Variants in WDR88 observed in about 807,000 individuals in gnomAD.
WDR88 encodes WD repeat-containing protein 88.
A neutral mutation model predicts 46.8 loss-of-function variants in WDR88; 40 were observed. The observed-to-expected ratio is 0.86, with a 90% CI of 0.66 to 1.11. The LOEUF (loss-of-function observed/expected upper bound fraction) is 1.11. Among genes scored for constraint, WDR88 ranks in the 50% most tolerant of loss-of-function variants. WDR88 has a pLI of 0.00. For synonymous variants in WDR88, 235 were observed against 240.7 expected (o/e 0.98, Z 0.22); for missense variants, 562 against 602.4 (o/e 0.93, Z 0.70).
Position 33,132,178 on chromosome 19 carries a change from C to T in WDR88, c.9C>T (p.Ser3=), listed in dbSNP as rs770857911. The part of the protein sequence containing the change: MA[S]PPRCSPTAHD... ...GCGGACCGGGCTTCGAGATGGCCTCCCCGCCGCGGTGCTCCCCGACAGCCC... is the reference window on the plus strand; with the variant it reads ...GCGGACCGGGCTTCGAGATGGCCTCTCCGCCGCGGTGCTCCCCGACAGCCC... Residue 3 remains serine, a synonymous_variant, in exon 1 of 11, where the codon TCC becomes TCT. Coordinates refer to ENST00000355868, the MANE Select transcript of WDR88 (RefSeq NM_173479.4). The T allele has an allele frequency of 6.3e-7, 1 of 1,591,934 alleles. No individual in the cohort carries two copies. The highest frequency in any genetic ancestry group is 1.3e-5 in the African/African-American group (1 of 74,742).
intron 2 of WDR88, among the ~76,000 whole-genome samples, chr19:33,141,588 A>G (rs1463636797): frequency 3.9e-5 from 6 of 152,192 alleles, no homozygotes; most frequent in Non-Finnish European, 8.8e-5. Flanking sequence ...GAGATTGGGC[A>G]TAGGATGAAG....
In WDR88 at chr19:33,156,489, C is replaced by T; in HGVS notation, c.944C>T (p.Thr315Ile). The change falls in exon 7 of 11, where the codon ACT becomes ATT. Residue 315 changes from threonine (T) to isoleucine (I), a missense_variant. Transcript: ENST00000355868. Reference sequence around the variant, plus strand: ...TTTCGAAACTGTGGAGCCTGTGTGACTCTGATGCAGGGCCATGAAGGTTCT... The same window carrying T: ...TTTCGAAACTGTGGAGCCTGTGTGATTCTGATGCAGGGCCATGAAGGTTCT... ...GEFRNCGACV[T>I]LMQGHEGSVS... is the part of the protein sequence containing the mutation. 1 of 1,614,134 alleles carries T rather than the reference C, an allele frequency of 6.2e-7. No individual in the cohort carries two copies. Among genetic ancestry groups the T allele is most frequent in the Non-Finnish European group, 8.5e-7 (1 of 1,180,038 alleles).
intron 7 of WDR88, among the ~76,000 whole-genome samples, chr19:33,158,307 G>A (rs1471911636): frequency 6.6e-6 from 1 of 152,072 alleles, no homozygotes; most frequent in Admixed American, 6.6e-5. Flanking sequence ...CCCACTGTGA[G>A]GCACCCTGCC....
chr19:33,151,135 C>G, intron 5 of WDR88, 46 bp from the exon 6 acceptor site: 1 of 1,588,448 alleles, frequency 6.3e-7, no homozygotes. Context: ...TCCAGCCCAG[C>G]AGGTGGAAGG....
intron 5 of WDR88, 123 bp downstream of exon 5, chr19:33,149,033 A>T: frequency 1.4e-6 from 2 of 1,436,306 alleles, no homozygotes; most frequent in Non-Finnish European, 1.9e-6. Flanking sequence ...CACGTCATTA[A>T]AGCTGGGACA....
At chr19:33,162,809 G>A (rs1973891136) in intron 8 of WDR88, among the ~76,000 whole-genome samples, 1 of 152,060 alleles carries the variant, frequency 6.6e-6, no homozygotes, top group Non-Finnish European at 1.5e-5. Flanking sequence ...TTGAGCCCAG[G>A]AGGTTGAGGC....
chr19:33,132,944 G>A (rs957466786), intron 1 of WDR88, among the ~76,000 whole-genome samples: 1 of 152,128 alleles, frequency 6.6e-6, no homozygotes, highest in Non-Finnish European at 1.5e-5. Context: ...AGGATCACTT[G>A]AGCCCAGGAG....
Position 33,147,717 on chromosome 19 carries a change from G to A in WDR88, c.540+9G>A. 6.2e-7 allele frequency: 1 copy of A among 1,613,670 alleles called. No homozygotes were observed. The highest frequency in any genetic ancestry group is 8.5e-7 in the Non-Finnish European group (1 of 1,179,762). ...AGACAGGCAAGCTGCTGGTACGTAT[G>A]CCTGTCCAGTGGGGGCGTTGGTTGC... On this transcript the variant is annotated intron_variant, in intron 4 of 10. Transcript: ENST00000355868.
chr19:33,167,280 A>G (rs1338386490), intron 9 of WDR88, among the ~76,000 whole-genome samples: 1 of 152,176 alleles, frequency 6.6e-6, no homozygotes, highest in Non-Finnish European at 1.5e-5. Flanking sequence ...GTAATATATT[A>G]CATTAATAGA....
At chr19:33,133,882 C>G (rs1973191676) in intron 1 of WDR88, among the ~76,000 whole-genome samples, 1 of 152,236 alleles carries the variant, frequency 6.6e-6, no homozygotes, top group African/African-American at 2.4e-5. Context: ...TCCTCCGTGC[C>G]TCATGCCATG....
intron 9 of WDR88, among the ~76,000 whole-genome samples, chr19:33,171,345 A>T (rs564410454): frequency 6.6e-6 from 1 of 152,268 alleles, no homozygotes; most frequent in Non-Finnish European, 1.5e-5. Context: ...TGTTGTCATG[A>T]TTTGACAAAC....
At chr19:33,146,394 G>C (rs1424698127) in intron 3 of WDR88, among the ~76,000 whole-genome samples, 1 of 152,170 alleles carries the variant, frequency 6.6e-6, no homozygotes. Flanking sequence ...AGAGTACTGG[G>C]GATGATTGTG....
chr19:33,138,038 A>ATT (rs745407325), intron 2 of WDR88, among the ~76,000 whole-genome samples: 1 of 139,872 alleles, frequency 7.1e-6, no homozygotes. Flanking sequence ...AGTGCCACAC[A>ATT]TTTTTTTTTT....
intron 10 of WDR88, chr19:33,174,170 C>T: frequency 6.5e-7 from 1 of 1,536,034 alleles, no homozygotes; most frequent in Non-Finnish European, 8.7e-7. Flanking sequence ...TAATCTATTT[C>T]TTGCAAAAAA....
At chr19:33,158,642 CTT>C (rs1973807415) in intron 7 of WDR88, among the ~76,000 whole-genome samples, 1 of 152,144 alleles carries the variant, frequency 6.6e-6, no homozygotes, top group Admixed American at 6.5e-5. Context: ...ACTCTGCCTT[CTT>C]GTTTCACCTC....
At chr19:33,160,654 G>A (rs1032373076) in intron 8 of WDR88, among the ~76,000 whole-genome samples, 158 bp downstream of exon 8, 5 of 152,190 alleles carry the variant, frequency 3.3e-5, no homozygotes, top group African/African-American at 7.2e-5. Context: ...ACACACCACC[G>A]ACTGTGAGGA....
intron 3 of WDR88, among the ~76,000 whole-genome samples, chr19:33,146,380 C>T (rs1247761136): frequency 6.6e-6 from 1 of 152,152 alleles, no homozygotes; most frequent in Non-Finnish European, 1.5e-5. Context: ...GTGTGGGTGG[C>T]TGAAGAGTAC....
intron 2 of WDR88, among the ~76,000 whole-genome samples, chr19:33,140,934 C>T (rs1227046959): frequency 3.1e-5 from 4 of 129,670 alleles, no homozygotes; most frequent in Non-Finnish European, 6.2e-5. Flanking sequence ...ACCAAACTTA[C>T]ATTTTTTTTT....
intron 7 of WDR88, 98 bp from the exon 8 acceptor site, chr19:33,160,316 G>C: frequency 8.5e-7 from 1 of 1,175,890 alleles, no homozygotes. Context: ...GTCAGAGTGA[G>C]ATGAGGTGGT....
Sources: allele counts gnomAD v4.1 joint callset (sites outside exome capture counted in the v4.1 genomes callset), GRCh38; gene constraint gnomAD v4.1.1; transcripts MANE v1.5; gene names NCBI Gene and HGNC (gene_info 2026-07-23, HGNC 2026-07-21).